TOP1: variants seen among roughly 807,000 people sequenced by gnomAD.
The protein encoded by TOP1 is DNA topoisomerase I.
A neutral mutation model predicts 111.1 loss-of-function variants in TOP1; 10 were observed. The ratio of observed to expected loss-of-function variants is 0.09; its 90% CI spans 0.06 to 0.15. The LOEUF (loss-of-function observed/expected upper bound fraction) is 0.15. Ranked by LOEUF, TOP1 falls within the 10% of genes least tolerant of loss-of-function variation. The pLI is 1.00. For synonymous variants in TOP1, 271 were observed against 302.9 expected (o/e 0.89, Z 1.10); for missense variants, 474 against 926.7 (o/e 0.51, Z 6.34).
intron 2 of TOP1, among the ~76,000 whole-genome samples, chr20:41,059,057 G>A (rs1374606580): frequency 3.9e-5 from 6 of 152,072 alleles, no homozygotes; most frequent in African/African-American, 4.8e-5. Context: ...CTTAGCAAAC[G>A]TAACAGAGGA....
At position 41,114,552 on chromosome 20, in the gene TOP1, A is replaced by G. The variant is rs2034298411; in HGVS notation, c.1638+397A>G. Among the ~76,000 whole-genome samples the G allele has an allele frequency of 6.6e-6, 1 of 152,238 alleles. No homozygotes were observed. Among genetic ancestry groups the G allele is most frequent in the African/African-American group, 2.4e-5 (1 of 41,468 alleles). ...TCCTGGTAAGGAGTGGCCTTCTCCT[A>G]TAGCAGTATTCAATGGAGCATGCTG... is the stretch of plus-strand genomic sequence containing the variant. On this transcript the variant is annotated intron_variant, in intron 15 of 20. Transcript: ENST00000361337. This position sits in a 1 kb window ranked among gnomAD's most constrained non-coding sequence, Gnocchi z 4.5.
rs993796083 is a variant in TOP1, at chr20:41,109,377, T to C, written c.1309-3405T>C. 5.9e-5 allele frequency among the ~76,000 whole-genome samples: 9 copies of C among 152,194 alleles called. No individual in the cohort carries two copies. Among genetic ancestry groups the C allele is most frequent in the African/African-American group, 1.2e-4 (5 of 41,438 alleles). Reference sequence around the variant, plus strand: ...GTGTGAAGACTAAAATATTAAAGCTTGTAGGTGATATCATGGTTGAATATG... The same window carrying C: ...GTGTGAAGACTAAAATATTAAAGCTCGTAGGTGATATCATGGTTGAATATG... On this transcript the variant is annotated intron_variant, in intron 13 of 20. Transcript: ENST00000361337. The surrounding 1 kb of genome is among the most constrained non-coding windows in gnomAD (Gnocchi z 4.1).
At position 41,069,196 on chromosome 20, in the gene TOP1, G is replaced by A. The variant is rs992800074; in HGVS notation, c.156-6975G>A. On this transcript the variant is annotated intron_variant, in intron 3 of 20. Transcript: ENST00000361337. The surrounding 1 kb of genome is among the most constrained non-coding windows in gnomAD (Gnocchi z 4.1). Reference sequence around the variant, plus strand: ...TTTTAGGAATATGCACTTGAATTACGCATCTAGTTCTCAGATTAGGGGAGA... The same window carrying A: ...TTTTAGGAATATGCACTTGAATTACACATCTAGTTCTCAGATTAGGGGAGA... 7.9e-5 allele frequency among the ~76,000 whole-genome samples: 12 copies of A among 152,158 alleles called. No homozygotes were observed. The highest frequency in any genetic ancestry group is 2.2e-4 in the African/African-American group (9 of 41,440).
chr20:41,112,683 TG>T lies in TOP1; in HGVS notation c.1309-96del. On this transcript the variant is annotated intron_variant, in intron 13 of 20. Coordinates refer to ENST00000361337, the MANE Select transcript of TOP1 (RefSeq NM_003286.4). The surrounding 1 kb of genome is among the most constrained non-coding windows in gnomAD (Gnocchi z 5.8). The stretch of plus-strand genomic sequence containing the variant: ...TGTCTTAGCCTCCCTATTAGCTAGC[TG>T]GGATTATAGGCTTGCGCCACCTTGC... 7.5e-7 allele frequency: 1 copy of T among 1,339,034 alleles called. No homozygotes were observed. Among genetic ancestry groups the T allele is most frequent in the Non-Finnish European group, 1.0e-6 (1 of 966,462 alleles). The allele number at this position is 1,339,034 out of a possible 1,614,324, so 82.9% of individuals were successfully genotyped here. A position where few individuals can be genotyped will look rare whatever the true frequency, so the allele number is the denominator to read the frequency against.
chr20:41,121,865 T>TGC lies in TOP1; in HGVS notation c.2045+76_2045+77insCG. The TGC allele has an allele frequency of 1.3e-6, 2 of 1,561,420 alleles. No homozygotes were observed. Among genetic ancestry groups the TGC allele is most frequent in the African/African-American group, 2.7e-5 (2 of 72,744 alleles). On this transcript the variant is annotated intron_variant, in intron 19 of 20. Transcript: ENST00000361337. This position sits in a 1 kb window ranked among gnomAD's most constrained non-coding sequence, Gnocchi z 4.2. The stretch of plus-strand genomic sequence containing the variant: ...GCATCTGTCAGGGCCCCTGGGGCCC[T>TGC]GGCTTTTCGATGGTTTCTGAGAAAT...
chr20:41,060,588 T>C (rs540835675), intron 2 of TOP1, among the ~76,000 whole-genome samples: 1 of 152,280 alleles, frequency 6.6e-6, no homozygotes, highest in African/African-American at 2.4e-5. Flanking sequence ...TAGTGGGGAT[T>C]GCACCTGTGG....
intron 3 of TOP1, chr20:41,073,144 T>A: frequency 1.0e-6 from 1 of 985,330 alleles, no homozygotes; most frequent in African/African-American, 1.7e-5. Flanking sequence ...GGTGTGATAA[T>A]GTACAGCAAA....
chr20:41,042,990 T>C (rs1449861234), intron 2 of TOP1, among the ~76,000 whole-genome samples: 2 of 152,238 alleles, frequency 1.3e-5, no homozygotes, highest in Admixed American at 1.3e-4. Context: ...GGTCTTGCTG[T>C]CTCAGGAGTA....
In TOP1 at chr20:41,121,570, G is replaced by T. The variant is rs1301370441; in HGVS notation, c.1951-126G>T. 4.1e-6 allele frequency: 3 copies of T among 740,588 alleles called. No individual in the cohort carries two copies. Among genetic ancestry groups the T allele is most frequent in the South Asian group, 3.2e-5 (2 of 63,214 alleles). 45.9% of individuals were successfully genotyped at this position (740,588 alleles called of 1,614,324 possible). On this transcript the variant is annotated intron_variant, in intron 18 of 20. Coordinates refer to ENST00000361337, the MANE Select transcript of TOP1 (RefSeq NM_003286.4). This position sits in a 1 kb window ranked among gnomAD's most constrained non-coding sequence, Gnocchi z 4.2. The stretch of plus-strand genomic sequence containing the variant: ...TCCCTGCCTTCATGAAGCCACCCTT[G>T]TTTTTTTTTATCTGACAAACCACTG...
intron 8 of TOP1, among the ~76,000 whole-genome samples, chr20:41,086,120 G>A (rs1030045343): frequency 1.8e-4 from 28 of 152,144 alleles, no homozygotes; most frequent in East Asian, 1.4e-3. Context: ...AAAATTAGCC[G>A]GGCGTGGTGG....
Position 41,051,804 on chromosome 20 carries a change from C to G in TOP1, c.59-9590C>G, listed in dbSNP as rs185920215. ...TTGTGAATGGGTATGGTTGCTGCCT[C>G]AAATGCACATATACAACCTGAGCTA... On this transcript the variant is annotated intron_variant, in intron 2 of 20. Transcript: ENST00000361337. Among the ~76,000 whole-genome samples, 80 of 152,130 alleles carry G rather than the reference C, an allele frequency of 5.3e-4. 1 individual carries two copies. Among genetic ancestry groups the G allele is most frequent in the African/African-American group, 1.8e-3 (75 of 41,496 alleles).
chr20:41,115,342 A>T lies in TOP1; in HGVS notation c.1639-29A>T, dbSNP rs761530068. 2.3e-5 allele frequency: 35 copies of T among 1,520,390 alleles called. No homozygotes were observed. The highest frequency in any genetic ancestry group is 3.1e-5 in the Non-Finnish European group (34 of 1,098,560). 94.2% of individuals were successfully genotyped at this position (1,520,390 alleles called of 1,614,324 possible). A position where few individuals can be genotyped will look rare whatever the true frequency, so the allele number is the denominator to read the frequency against. On this transcript the variant is annotated intron_variant, in intron 15 of 20. Transcript: ENST00000361337. The surrounding 1 kb of genome is among the most constrained non-coding windows in gnomAD (Gnocchi z 6.3). Reference sequence around the variant, plus strand: ...TAAAGTTAGGATTTTTTTCAAGAGTAATAATTAGGATTCACTTATATCTTT... The same window carrying T: ...TAAAGTTAGGATTTTTTTCAAGAGTTATAATTAGGATTCACTTATATCTTT...
Position 41,110,144 on chromosome 20 carries a change from C to G in TOP1, c.1309-2638C>G, listed in dbSNP as rs1045193711. On this transcript the variant is annotated intron_variant, in intron 13 of 20. Transcript: ENST00000361337. This position sits in a 1 kb window ranked among gnomAD's most constrained non-coding sequence, Gnocchi z 4.2. ...TCTACAAAAAAATACAAAAATTAGC[C>G]GAGGGTGGCGCACACCTGTAATCTC... Among the ~76,000 whole-genome samples the G allele has an allele frequency of 1.3e-5, 2 of 151,978 alleles. No homozygotes were observed.
intron 2 of TOP1, among the ~76,000 whole-genome samples, chr20:41,052,632 A>G (rs2033419324): frequency 6.6e-6 from 1 of 152,134 alleles, no homozygotes; most frequent in African/African-American, 2.4e-5. Flanking sequence ...TTTCCTTTCT[A>G]TCTAAGCAGA....
At chr20:41,049,892 A>G (rs890187217) in intron 2 of TOP1, among the ~76,000 whole-genome samples, 7 of 152,200 alleles carry the variant, frequency 4.6e-5, no homozygotes, top group Non-Finnish European at 1.0e-4. Flanking sequence ...GGGGAATCCC[A>G]TAGTTTCAAT....
At chr20:41,066,648 G>A (rs556683592) in intron 3 of TOP1, among the ~76,000 whole-genome samples, 101 of 147,352 alleles carry the variant, frequency 6.9e-4, no homozygotes, top group African/African-American at 2.3e-3. Context: ...TCCGCCTCCC[G>A]GGTTCATGCC....
rs550063248 is a variant in TOP1 at position 41,124,457 on chromosome 20, T to C, written c.*1160T>C. ...TTCCCTTTTAATCAACTGTAGGTTA[T>C]TTAAAATAAATTCCTACAACTTAAT... On this transcript the variant is annotated 3_prime_UTR_variant, in exon 21 of 21. Transcript: ENST00000361337. The surrounding 1 kb of genome is among the most constrained non-coding windows in gnomAD (Gnocchi z 5.4). 2 of 231,790 alleles carry C rather than the reference T, an allele frequency of 8.6e-6. No individual in the cohort carries two copies. The highest frequency in any genetic ancestry group is 1.2e-4 in the East Asian group (2 of 16,314). 14.4% of individuals were successfully genotyped at this position (231,790 alleles called of 1,614,324 possible).
chr20:41,044,463 A>G (rs2033308606), intron 2 of TOP1, among the ~76,000 whole-genome samples: 1 of 152,188 alleles, frequency 6.6e-6, no homozygotes, highest in Admixed American at 6.5e-5. Context: ...GTTTTGTCTT[A>G]TGCTTCGGCA....
At position 41,030,939 on chromosome 20, in the gene TOP1, A is replaced by C. The variant is rs117757029; in HGVS notation, c.58+1484A>C. ...TGGTGCTAGAGCTGATCCTGTAACCATAACACTCCCTTGCTCTCAATTCAG... is the reference window on the plus strand; with the variant it reads ...TGGTGCTAGAGCTGATCCTGTAACCCTAACACTCCCTTGCTCTCAATTCAG... On this transcript the variant is annotated intron_variant, in intron 2 of 20. Coordinates refer to ENST00000361337, the MANE Select transcript of TOP1 (RefSeq NM_003286.4). The surrounding 1 kb of genome is among the most constrained non-coding windows in gnomAD (Gnocchi z 4.1). 0.011 allele frequency among the ~76,000 whole-genome samples: 1,658 copies of C among 152,354 alleles called. 17 individuals carry two copies. The highest frequency in any genetic ancestry group is 0.018 in the Non-Finnish European group (1,220 of 68,022).
Sources: gnomAD v4.1 joint callset for allele counts (sites outside exome capture counted in the v4.1 genomes callset) on GRCh38, gnomAD v4.1.1 for gene constraint, Gnocchi (gnomAD v3.1) non-coding constraint, MANE v1.5 for transcripts, NCBI Gene and HGNC (gene_info 2026-07-23, HGNC 2026-07-21) for gene names.